APP: variants seen among roughly 807,000 people sequenced by gnomAD.
The protein encoded by APP is amyloid-beta precursor protein.
A neutral mutation model predicts 101.4 loss-of-function variants in APP; 31 were observed. The ratio of observed to expected loss-of-function variants is 0.31; its 90% confidence interval spans 0.23 to 0.41. The LOEUF is 0.41. APP is among the 10% of genes least tolerant of loss of function. APP has a pLI of 1.00. For synonymous variants in APP, 366 were observed against 364.4 expected, an observed-to-expected ratio of 1.00 and a Z score of -0.05; for missense variants, 839 against 1,003.7, an observed-to-expected ratio of 0.84 and a Z score of 2.22.
At chr21:26,132,109 T>C (rs2062809411) in intron 1 of APP, among the ~76,000 whole-genome samples, 1 of 152,136 alleles carries the variant, frequency 6.6e-6, no homozygotes, top group South Asian at 2.1e-4. Flanking sequence ...AAAAGTACTT[T>C]GGCATGGTGA....
chr21:26,107,870 T>G (rs974827656), intron 2 of APP, among the ~76,000 whole-genome samples: 6 of 152,202 alleles, frequency 3.9e-5, no homozygotes, highest in African/African-American at 1.4e-4. Context: ...GCACCCTTAG[T>G]ATCCAAAGAC....
chr21:26,011,806 T>TC (rs11370154), intron 6 of APP, among the ~76,000 whole-genome samples: 138,815 of 152,108 alleles, frequency 0.91, 63,720 homozygotes, highest in Middle Eastern at 0.98. Context: ...TCATGAAACA[T>TC]AAGAACCTAA....
chr21:25,999,831 G>C (rs767321695), intron 7 of APP, among the ~76,000 whole-genome samples, 184 bp downstream of exon 7: 1 of 152,192 alleles, frequency 6.6e-6, no homozygotes, highest in Non-Finnish European at 1.5e-5. Context: ...GGGAAAGACG[G>C]AGAGGTGTGC....
chr21:26,060,260 T>C (rs1182471023), intron 3 of APP, among the ~76,000 whole-genome samples: 1 of 152,204 alleles, frequency 6.6e-6, no homozygotes, highest in Non-Finnish European at 1.5e-5. Context: ...GACATGGTAC[T>C]GTTTTACATG....
intron 1 of APP, among the ~76,000 whole-genome samples, chr21:26,166,216 A>C (rs1468782818): frequency 2.0e-5 from 3 of 152,222 alleles, no homozygotes; most frequent in African/African-American, 7.2e-5. Context: ...TTTTCTTCTT[A>C]TACAACAATA....
At chr21:25,990,738 C>CTAA in intron 8 of APP, among the ~76,000 whole-genome samples, 1 of 132,010 alleles carries the variant, frequency 7.6e-6, no homozygotes, top group South Asian at 2.7e-4. Context: ...TCTATATTTC[C>CTAA]TTTATATGGT....
At chr21:26,038,925 C>T (rs1004914373) in intron 5 of APP, among the ~76,000 whole-genome samples, 1 of 152,222 alleles carries the variant, frequency 6.6e-6, no homozygotes, top group Admixed American at 6.5e-5. Context: ...GCAATTTTCC[C>T]CATGTTTGAG....
chr21:26,086,216 C>G (rs1360063333), intron 3 of APP, among the ~76,000 whole-genome samples: 1 of 152,164 alleles, frequency 6.6e-6, no homozygotes, highest in Non-Finnish European at 1.5e-5. Flanking sequence ...AAAATGTTCA[C>G]ATGATTAAGA....
chr21:26,111,018 AAAG>A (rs985422759), intron 2 of APP, among the ~76,000 whole-genome samples: 2 of 151,670 alleles, frequency 1.3e-5, no homozygotes, highest in African/African-American at 4.8e-5. Flanking sequence ...AAAAGACTAC[AAAG>A]AATTAAACAA....
At chr21:26,019,561 T>C (rs981376267) in intron 6 of APP, among the ~76,000 whole-genome samples, 1 of 152,250 alleles carries the variant, frequency 6.6e-6, no homozygotes, top group African/African-American at 2.4e-5. Flanking sequence ...GATTTTAACA[T>C]CCACTAGGGT....
intron 4 of APP, among the ~76,000 whole-genome samples, chr21:26,051,495 G>A (rs1770126949): frequency 6.6e-6 from 1 of 152,172 alleles, no homozygotes; most frequent in Non-Finnish European, 1.5e-5. Flanking sequence ...AGTCTCCACT[G>A]GTGAACAGAT....
intron 1 of APP, among the ~76,000 whole-genome samples, chr21:26,163,790 C>T (rs1377144662): frequency 6.6e-6 from 1 of 152,206 alleles, no homozygotes; most frequent in African/African-American, 2.4e-5. Context: ...GTTTCATACA[C>T]TCAAGGCTTT....
chr21:26,001,010 T>C (rs889967763), intron 6 of APP, among the ~76,000 whole-genome samples: 1 of 152,186 alleles, frequency 6.6e-6, no homozygotes, highest in African/African-American at 2.4e-5. Context: ...ACTATAACAA[T>C]GTATTATTTA....
chr21:26,136,240 A>G (rs1483491884), intron 1 of APP, among the ~76,000 whole-genome samples: 1 of 152,040 alleles, frequency 6.6e-6, no homozygotes, highest in African/African-American at 2.4e-5. Context: ...TGTCACATAC[A>G]CATCTGTGAT....
At chr21:26,040,683 A>C (rs2045336211) in intron 5 of APP, among the ~76,000 whole-genome samples, 1 of 151,726 alleles carries the variant, frequency 6.6e-6, no homozygotes, top group Non-Finnish European at 1.5e-5. Context: ...TACCACTTGA[A>C]CTTGGGAGGG....
intron 2 of APP, among the ~76,000 whole-genome samples, chr21:26,096,344 A>G (rs547017918): frequency 6.6e-6 from 1 of 152,296 alleles, no homozygotes; most frequent in East Asian, 1.9e-4. Context: ...GTGGAGCCCC[A>G]CATCCATCAT....
At chr21:26,085,147 A>G (rs2061678150) in intron 3 of APP, among the ~76,000 whole-genome samples, 1 of 152,202 alleles carries the variant, frequency 6.6e-6, no homozygotes. Flanking sequence ...TTTACTTAGT[A>G]TGCTGGTTCT....
chr21:26,100,870 G>C (rs2062039040), intron 2 of APP, among the ~76,000 whole-genome samples: 1 of 152,122 alleles, frequency 6.6e-6, no homozygotes, highest in Non-Finnish European at 1.5e-5. Flanking sequence ...AGATGATAAA[G>C]CCACGTTCAC....
chr21:26,055,649 A>G (rs1290363446), intron 3 of APP, among the ~76,000 whole-genome samples: 3 of 152,224 alleles, frequency 2.0e-5, no homozygotes, highest in African/African-American at 7.2e-5. Flanking sequence ...TATGGCCTGA[A>G]GATGCCCACC....
Sources: allele counts gnomAD v4.1 joint callset (sites outside exome capture counted in the v4.1 genomes callset), GRCh38; gene constraint gnomAD v4.1.1; transcripts MANE v1.5; gene names NCBI Gene and HGNC (gene_info 2026-07-23, HGNC 2026-07-21).